The following DPY19L3 variants were observed in gnomAD, a reference collection of about 807,000 sequenced individuals.
DPY19L3 encodes protein C-mannosyl-transferase DPY19L3.
A neutral mutation model predicts 92.3 loss-of-function variants in DPY19L3; 51 were observed. The ratio of observed to expected loss-of-function variants is 0.55; its 90% CI spans 0.44 to 0.70. DPY19L3 has a LOEUF of 0.70. DPY19L3 is among the 30% of genes least tolerant of loss of function. DPY19L3 has a pLI of 0.00. For missense variants in DPY19L3, 706 were observed against 855.9 expected (o/e 0.82, Z 2.18); for synonymous variants, 309 against 315.2 (o/e 0.98, Z 0.21).
At chr19:32,447,649 A>C (rs1969541580) in intron 8 of DPY19L3, among the ~76,000 whole-genome samples, 1 of 152,048 alleles carries the variant, frequency 6.6e-6, no homozygotes, top group Non-Finnish European at 1.5e-5. Flanking sequence ...CCAGTAGGCG[A>C]AGGTTGCAGT....
chr19:32,425,862 G>A (rs576291889), intron 3 of DPY19L3, among the ~76,000 whole-genome samples: 1 of 152,264 alleles, frequency 6.6e-6, no homozygotes, highest in South Asian at 2.1e-4. Context: ...AATGGTAAGT[G>A]AACATTGGCT....
intron 8 of DPY19L3, among the ~76,000 whole-genome samples, chr19:32,448,860 A>G (rs1315455189): frequency 6.6e-6 from 1 of 152,240 alleles, no homozygotes; most frequent in Non-Finnish European, 1.5e-5. Flanking sequence ...CTGATAATCC[A>G]GGACTTCCTA....
At chr19:32,479,735 C>A in intron 17 of DPY19L3, 1 of 319,490 alleles carries the variant, frequency 3.1e-6, no homozygotes, top group Non-Finnish European at 6.1e-6. Context: ...TTGCATCCAT[C>A]CACTGAGGGT....
Position 32,458,632 on chromosome 19 carries a change from A to G in DPY19L3, c.1322+123A>G, listed in dbSNP as rs140542294. 5 of 1,015,142 alleles carry G rather than the reference A, an allele frequency of 4.9e-6. No homozygotes were observed. The Admixed American group carries it at 7.0e-5, about 14-fold the overall frequency. 62.9% of individuals were successfully genotyped at this position (1,015,142 alleles called of 1,614,324 possible). A position where few individuals can be genotyped will look rare whatever the true frequency, so the allele number is the denominator to read the frequency against. ...TAATAGTATTCATCTTAAAGGGGGA[A>G]CATACCTCGTTTAGAGTGGACTACA... On this transcript the variant is annotated intron_variant, in intron 12 of 18. Transcript: ENST00000392250.
At chr19:32,420,735 C>G (rs1399599450) in intron 3 of DPY19L3, among the ~76,000 whole-genome samples, 3 of 152,190 alleles carry the variant, frequency 2.0e-5, no homozygotes, top group Non-Finnish European at 4.4e-5. Context: ...CAAGCATGAG[C>G]CACCGCGGCC....
chr19:32,463,775 G>A (rs1000651357), intron 13 of DPY19L3, 94 bp from the exon 14 acceptor site: 44 of 1,141,078 alleles, frequency 3.9e-5, no homozygotes, highest in South Asian at 1.7e-4. Context: ...AGATTTTGCC[G>A]TCATAGACTG....
intron 9 of DPY19L3, among the ~76,000 whole-genome samples, chr19:32,454,599 A>ATTGT (rs995504309): frequency 9.2e-5 from 14 of 152,106 alleles, no homozygotes; most frequent in African/African-American, 3.4e-4. Flanking sequence ...AAAGAAAAAG[A>ATTGT]TGTAACAGTT....
intron 16 of DPY19L3, among the ~76,000 whole-genome samples, chr19:32,476,528 CAAAAA>C (rs71176126): frequency 8.6e-5 from 8 of 93,286 alleles, no homozygotes; most frequent in East Asian, 2.8e-4. Flanking sequence ...CTCAGGTTTC[CAAAAA>C]AAAAAAAAAA....
rs1251687501 is a variant in DPY19L3, at chr19:32,409,672, T to C, written c.103+1316T>C. On this transcript the variant is annotated intron_variant, in intron 2 of 18. Transcript: ENST00000392250. Reference sequence around the variant, plus strand: ...TGAGACCTCAGGAAGCTTCCAGTCGTGGCAGAAGACTTAGGGGAGCCAGTG... The same window carrying C: ...TGAGACCTCAGGAAGCTTCCAGTCGCGGCAGAAGACTTAGGGGAGCCAGTG... 2.0e-5 allele frequency among the ~76,000 whole-genome samples: 3 copies of C among 152,340 alleles called. No individual in the cohort carries two copies. In the East Asian group the frequency reaches 5.8e-4, roughly 29 times the overall value.
rs1205235978 is a variant in DPY19L3 at position 32,436,477 on chromosome 19, T to G, written c.360T>G (p.Thr120=). ...ATGGCCTAATATATGATAATAAAAC[T>G]GAATCTATGAAGACAATTAACCTCC... is the stretch of plus-strand genomic sequence containing the variant. ...GFHGLIYDNK[T]ESMKTINLLQ... The change falls in exon 5 of 19, where the codon ACT becomes ACG. Residue 120 remains threonine, a synonymous_variant. Coordinates refer to ENST00000392250, the MANE Select transcript of DPY19L3 (RefSeq NM_001172774.2). The G allele has an allele frequency of 1.9e-6, 3 of 1,558,962 alleles. No homozygotes were observed. The highest frequency in any genetic ancestry group is 1.8e-6 in the Non-Finnish European group (2 of 1,139,878).
At chr19:32,472,436 T>C (rs1295409932) in intron 16 of DPY19L3, among the ~76,000 whole-genome samples, 5 of 152,162 alleles carry the variant, frequency 3.3e-5, no homozygotes, top group Admixed American at 3.3e-4. Flanking sequence ...ACCGATGCAT[T>C]GCATGCCTTG....
At chr19:32,413,436 G>A (rs1372488994) in intron 3 of DPY19L3, among the ~76,000 whole-genome samples, 1 of 125,604 alleles carries the variant, frequency 8.0e-6, no homozygotes, top group East Asian at 2.4e-4. Flanking sequence ...TACCAAAGAA[G>A]AATAATTCTT....
chr19:32,431,394 C>A (rs1162491247), intron 3 of DPY19L3, among the ~76,000 whole-genome samples: 1 of 150,832 alleles, frequency 6.6e-6, no homozygotes, highest in Admixed American at 6.6e-5. Flanking sequence ...AAAAACAGAT[C>A]GAATTATATT....
intron 8 of DPY19L3, among the ~76,000 whole-genome samples, chr19:32,448,114 G>A (rs1969577290): frequency 6.6e-6 from 1 of 152,100 alleles, no homozygotes; most frequent in Non-Finnish European, 1.5e-5. Flanking sequence ...CAAATAAAAT[G>A]TGTAAAACAA....
At chr19:32,435,692 G>A (rs1969115392) in intron 4 of DPY19L3, among the ~76,000 whole-genome samples, 2 of 152,200 alleles carry the variant, frequency 1.3e-5, no homozygotes, top group African/African-American at 4.8e-5. Context: ...AATTTGCACT[G>A]TTTTAATAGG....
chr19:32,474,404 GC>G (rs1269028263), intron 16 of DPY19L3, among the ~76,000 whole-genome samples: 1 of 152,212 alleles, frequency 6.6e-6, no homozygotes, highest in Non-Finnish European at 1.5e-5. Flanking sequence ...CCTGCTAGGG[GC>G]CGGGGATGGG....
chr19:32,473,304 T>C (rs1341189702), intron 16 of DPY19L3, among the ~76,000 whole-genome samples: 1 of 152,220 alleles, frequency 6.6e-6, no homozygotes, highest in Non-Finnish European at 1.5e-5. Flanking sequence ...TAAAAACAAA[T>C]TATCCTTTCA....
intron 3 of DPY19L3, among the ~76,000 whole-genome samples, chr19:32,418,963 G>C (rs1189104886): frequency 6.6e-6 from 1 of 151,842 alleles, no homozygotes; most frequent in Non-Finnish European, 1.5e-5. Flanking sequence ...TCATATAGTA[G>C]TATAAAAGAT....
intron 3 of DPY19L3, among the ~76,000 whole-genome samples, chr19:32,429,416 A>G: frequency 6.6e-6 from 1 of 152,256 alleles, no homozygotes; most frequent in East Asian, 1.9e-4. Context: ...AGCATGAAGC[A>G]GATGTAAAAC....
Sources: gnomAD v4.1 joint callset for allele counts (sites outside exome capture counted in the v4.1 genomes callset) on GRCh38, gnomAD v4.1.1 for gene constraint, MANE v1.5 for transcripts, NCBI Gene and HGNC (gene_info 2026-07-23, HGNC 2026-07-21) for gene names.